The following KCTD10 variants were observed in gnomAD, a reference collection of about 807,000 sequenced individuals.
KCTD10 encodes BTB/POZ domain-containing adapter for CUL3-mediated RhoA degradation protein 3.
A neutral mutation model predicts 34.6 loss-of-function variants in KCTD10; 13 were observed. That is an observed-to-expected ratio of 0.38 (90% CI 0.24 to 0.60). The LOEUF (loss-of-function observed/expected upper bound fraction) is 0.60, where lower values mean the gene tolerates loss of function less well. Among genes scored for constraint, KCTD10 ranks in the 20% least tolerant of loss-of-function variants. KCTD10 has a pLI of 0.66. For missense variants in KCTD10, 256 were observed against 420.3 expected (o/e 0.61, Z 3.42); for synonymous variants, 156 against 168.8 (o/e 0.92, Z 0.59).
intron 1 of KCTD10, among the ~76,000 whole-genome samples, chr12:109,475,394 T>A (rs777187146): frequency 6.6e-6 from 1 of 152,098 alleles, no homozygotes; most frequent in Non-Finnish European, 1.5e-5. Flanking sequence ...GGAGGACTGC[T>A]TGAGGCAGGG....
At chr12:109,475,298 T>A (rs996760070) in intron 1 of KCTD10, among the ~76,000 whole-genome samples, 14 of 151,358 alleles carry the variant, frequency 9.2e-5, no homozygotes, top group Non-Finnish European at 1.5e-5. Flanking sequence ...ACATAAGACC[T>A]AATCTCCACA....
At chr12:109,475,242 G>A (rs59976008) in intron 1 of KCTD10, among the ~76,000 whole-genome samples, 7,461 of 152,076 alleles carry the variant, frequency 0.049, 563 homozygotes, top group African/African-American at 0.17. Flanking sequence ...GGGAGGCTGA[G>A]GCGGGAGGAT....
chr12:109,461,971 C>T (rs1433512269), intron 2 of KCTD10, among the ~76,000 whole-genome samples: 3 of 152,134 alleles, frequency 2.0e-5, no homozygotes, highest in African/African-American at 4.8e-5. Context: ...CTCCTAACAA[C>T]GCTGTGCCCT....
At position 109,460,940 on chromosome 12, in the gene KCTD10, C is replaced by T; in HGVS notation, c.218-135G>A. The T allele has an allele frequency of 1.2e-6, 1 of 811,884 alleles. No individual in the cohort carries two copies. Among genetic ancestry groups the T allele is most frequent in the Non-Finnish European group, 1.9e-6 (1 of 524,354 alleles). 50.3% of individuals were successfully genotyped at this position (811,884 alleles called of 1,614,324 possible). ...ACTGCCTGGAGAATGGCAGCCTCAC[C>T]TGCCTACCTGCCCACTAAGGGCTGA... On this transcript the variant is annotated intron_variant, in intron 2 of 6. Transcript: ENST00000228495. The surrounding 1 kb of genome is among the most constrained non-coding windows in gnomAD (Gnocchi z 4.5).
At chr12:109,469,766 C>T (rs1209828199) in intron 1 of KCTD10, 38 bp from the exon 2 acceptor site, 3 of 1,607,768 alleles carry the variant, frequency 1.9e-6, no homozygotes, top group Non-Finnish European at 2.6e-6. Flanking sequence ...GACATCAGGC[C>T]TGGTTGACTG....
At chr12:109,456,640 C>A (rs1873033053) in intron 5 of KCTD10, 1 of 395,476 alleles carries the variant, frequency 2.5e-6, no homozygotes, top group African/African-American at 2.1e-5. Context: ...GAGGAGAGCA[C>A]CTCACCGAGC....
At chr12:109,471,072 C>G in intron 1 of KCTD10, 1 of 980,462 alleles carries the variant, frequency 1.0e-6, no homozygotes, top group Non-Finnish European at 1.2e-6. Context: ...GTATGCTCCT[C>G]GTGCTTTTTG....
Position 109,460,093 on chromosome 12 carries a change from C to T in KCTD10, c.387+543G>A, listed in dbSNP as rs1445955941. ...CAAACAAGGGCCTCATGCACACAGA[C>T]CAGATTCCTACGAAAACCCAAAGGG... On this transcript the variant is annotated intron_variant, in intron 3 of 6. Coordinates refer to ENST00000228495, the MANE Select transcript of KCTD10 (RefSeq NM_031954.5). This position sits in a 1 kb window ranked among gnomAD's most constrained non-coding sequence, Gnocchi z 4.5. Among the ~76,000 whole-genome samples, 2 of 152,210 alleles carry T rather than the reference C, an allele frequency of 1.3e-5. No individual in the cohort carries two copies. The highest frequency in any genetic ancestry group is 4.8e-5 in the African/African-American group (2 of 41,448).
chr12:109,464,896 G>A lies in KCTD10; in HGVS notation c.218-4091C>T, dbSNP rs536316982. ...CAGAAGGGACTCCTGCAATATCTAAGGAAGTAGAAGATGCTGTCCCAATTC... is the reference window on the plus strand; with the variant it reads ...CAGAAGGGACTCCTGCAATATCTAAAGAAGTAGAAGATGCTGTCCCAATTC... On this transcript the variant is annotated intron_variant, in intron 2 of 6. Coordinates refer to ENST00000228495, the MANE Select transcript of KCTD10 (RefSeq NM_031954.5). 32 of 454,596 alleles carry A rather than the reference G, an allele frequency of 7.0e-5. No homozygotes were observed. The East Asian group carries it at 2.1e-3, about 30-fold the overall frequency. 28.2% of individuals were successfully genotyped at this position (454,596 alleles called of 1,614,324 possible). A position where few individuals can be genotyped will look rare whatever the true frequency, so the allele number is the denominator to read the frequency against.
chr12:109,473,633 C>A (rs1874001700), intron 1 of KCTD10, among the ~76,000 whole-genome samples: 2 of 152,100 alleles, frequency 1.3e-5, no homozygotes, highest in South Asian at 4.1e-4. Context: ...TAATAGTAGG[C>A]AAGGCCCTTG....
chr12:109,453,801 T>C (rs1189606293), intron 6 of KCTD10, among the ~76,000 whole-genome samples: 3 of 152,176 alleles, frequency 2.0e-5, no homozygotes, highest in Non-Finnish European at 2.9e-5. Flanking sequence ...GAAAGCAGCC[T>C]GTGAAGTTGT....
chr12:109,456,501 T>C (rs1873025060), intron 5 of KCTD10, 188 bp from the exon 6 acceptor site: 7 of 628,220 alleles, frequency 1.1e-5, no homozygotes, highest in Non-Finnish European at 2.0e-5. Flanking sequence ...TCAGAGAAAT[T>C]AGGTAATTGC....
rs998309337 is a variant in KCTD10 at position 109,457,914 on chromosome 12, T to C, written c.474+78A>G. On this transcript the variant is annotated intron_variant, in intron 4 of 6. Transcript: ENST00000228495. ...CTCACTCAGGCAATTATACATGTTT[T>C]TATTTCAAAAGTTATTCAGAAGAAC... is the stretch of plus-strand genomic sequence containing the variant. The C allele has an allele frequency of 3.9e-6, 5 of 1,297,102 alleles. No individual in the cohort carries two copies. The African/African-American group carries it at 7.3e-5, about 19-fold the overall frequency. The allele number at this position is 1,297,102 out of a possible 1,614,324, so 80.3% of individuals were successfully genotyped here. A position where few individuals can be genotyped will look rare whatever the true frequency, so the allele number is the denominator to read the frequency against.
At chr12:109,456,389 G>A (rs764021969) in intron 5 of KCTD10, 76 bp from the exon 6 acceptor site, 2 of 1,338,214 alleles carry the variant, frequency 1.5e-6, no homozygotes, top group South Asian at 2.4e-5. Context: ...TCTACACGCA[G>A]GGCCCTACTG....
intron 6 of KCTD10, among the ~76,000 whole-genome samples, chr12:109,452,686 C>G (rs2135635439): frequency 6.6e-6 from 1 of 152,224 alleles, no homozygotes; most frequent in South Asian, 2.1e-4. Flanking sequence ...TGGAGTAATG[C>G]CCAACAGTGA....
rs781051114 is a variant in KCTD10, at chr12:109,469,642, G to A, written c.90C>T (p.Ser30=). ...CCACATTCAGCTTCACGTATTTGGA[G>A]CTGGGGCTCGTGCCCTTGAAGGAAG... ...RTTSFKGTSP[S]SKYVKLNVGG... Residue 30 remains serine (S), a synonymous_variant, in exon 2 of 7, where the codon AGC becomes AGT. Transcript: ENST00000228495. The A allele has an allele frequency of 1.5e-5, 25 of 1,614,252 alleles. No homozygotes were observed. Among genetic ancestry groups the A allele is most frequent in the Non-Finnish European group, 2.0e-5 (24 of 1,180,048 alleles).
At chr12:109,469,494 G>A (rs532499335) in intron 2 of KCTD10, 21 bp downstream of exon 2, 6 of 1,611,914 alleles carry the variant, frequency 3.7e-6, no homozygotes, top group South Asian at 2.2e-5. Context: ...CCAGAGGCAG[G>A]CACATGGTGG....
chr12:109,472,662 A>C (rs1038678685), intron 1 of KCTD10, among the ~76,000 whole-genome samples: 1 of 152,254 alleles, frequency 6.6e-6, no homozygotes, highest in South Asian at 2.1e-4. Flanking sequence ...CTGGCAGCAA[A>C]GTAGTTCTGT....
intron 4 of KCTD10, 52 bp downstream of exon 4, chr12:109,457,940 C>A: frequency 7.1e-7 from 1 of 1,413,204 alleles, no homozygotes; most frequent in Non-Finnish European, 1.0e-6. Flanking sequence ...TCAGAAGAAC[C>A]TCCATCATTT....
Sources: gnomAD v4.1 joint callset for allele counts (sites outside exome capture counted in the v4.1 genomes callset) on GRCh38, gnomAD v4.1.1 for gene constraint, Gnocchi (gnomAD v3.1) non-coding constraint, MANE v1.5 for transcripts, NCBI Gene and HGNC (gene_info 2026-07-23, HGNC 2026-07-21) for gene names.